Variants in RIC8B observed in about 807,000 individuals in gnomAD.
RIC8B encodes the protein RIC8 guanine nucleotide exchange factor B, also known as chaperone Ric-8B.
Under a neutral mutation model 57.5 loss-of-function variants are expected in RIC8B, and 16 were observed. That is an observed-to-expected ratio of 0.28 (90% CI 0.19 to 0.42). The LOEUF (loss-of-function observed/expected upper bound fraction) is 0.42, where lower values mean the gene tolerates loss of function less well. RIC8B is among the 10% of genes least tolerant of loss of function. RIC8B has a pLI of 1.00. For synonymous variants in RIC8B, 216 were observed against 250.8 expected (o/e 0.86, Z 1.31); for missense variants, 481 against 677.0 (o/e 0.71, Z 3.21).
intron 2 of RIC8B, among the ~76,000 whole-genome samples, chr12:106,793,929 G>T (rs1477100244): frequency 7.1e-6 from 1 of 141,118 alleles, no homozygotes; most frequent in African/African-American, 2.6e-5. Flanking sequence ...CATGGGCGGG[G>T]TGGGGGTGGG....
intron 2 of RIC8B, among the ~76,000 whole-genome samples, chr12:106,810,961 A>G (rs1157816696): frequency 2.0e-5 from 3 of 152,206 alleles, no homozygotes; most frequent in Admixed American, 2.0e-4. Context: ...CAAGATTTGC[A>G]TACAAACAAT....
chr12:106,828,821 G>A (rs528140859), intron 4 of RIC8B, among the ~76,000 whole-genome samples: 2 of 152,244 alleles, frequency 1.3e-5, no homozygotes, highest in East Asian at 3.9e-4. Context: ...TTGATACGCT[G>A]TTTAGGAACT....
intron 3 of RIC8B, among the ~76,000 whole-genome samples, chr12:106,816,870 C>T (rs2045599081): frequency 6.6e-6 from 1 of 152,098 alleles, no homozygotes; most frequent in South Asian, 2.1e-4. Context: ...AATACTCATT[C>T]TGTGTTATAG....
intron 4 of RIC8B, among the ~76,000 whole-genome samples, chr12:106,839,698 A>G (rs2046780659): frequency 6.6e-6 from 1 of 152,216 alleles, no homozygotes; most frequent in Non-Finnish European, 1.5e-5. Context: ...TGCTCTTACC[A>G]CAAAAGAAAA....
chr12:106,853,491 CAG>C (rs1348945056), intron 7 of RIC8B, among the ~76,000 whole-genome samples: 2 of 50,896 alleles, frequency 3.9e-5, no homozygotes, highest in Admixed American at 6.3e-4. Context: ...TTTTTTGAGA[CAG>C]AGTCTCACTC....
intron 3 of RIC8B, among the ~76,000 whole-genome samples, chr12:106,816,232 G>GCTAATCTTAAAGT (rs1375886007): frequency 2.0e-5 from 3 of 152,080 alleles, no homozygotes; most frequent in Admixed American, 6.5e-5. Context: ...TAAGATTTAG[G>GCTAATCTTAAAGT]CTAACATTTG....
chr12:106,871,471 T>TAAAAAAAAAAAAAAAAAA (rs1387727022), intron 9 of RIC8B: 3 of 30,916 alleles, frequency 9.7e-5, no homozygotes, highest in African/African-American at 2.7e-4. Context: ...TTAGGAGTTC[T>TAAAAAAAAAAAAAAAAAA]AAAAAAAAAA....
chr12:106,793,078 C>G (rs1205027042), intron 2 of RIC8B, among the ~76,000 whole-genome samples: 1 of 152,160 alleles, frequency 6.6e-6, no homozygotes, highest in African/African-American at 2.4e-5. Flanking sequence ...CCATTCTGCC[C>G]TTCCTCATGG....
At chr12:106,821,711 ATGACTC>A (rs760973116) in intron 3 of RIC8B, among the ~76,000 whole-genome samples, 2 of 152,314 alleles carry the variant, frequency 1.3e-5, no homozygotes, top group Admixed American at 6.5e-5. Context: ...GATATGTGCA[ATGACTC>A]TCTTCAGAAT....
chr12:106,841,850 T>A (rs943633891), intron 4 of RIC8B, among the ~76,000 whole-genome samples: 1 of 152,168 alleles, frequency 6.6e-6, no homozygotes, highest in Non-Finnish European at 1.5e-5. Flanking sequence ...TTTTGTACAC[T>A]GAACAACAGA....
rs1693974886 is a variant in RIC8B at position 106,888,985 on chromosome 12, C to CA, written c.*2971dup. ...ATGAGGCAGTACAAGTGACTCTAAA[C>CA]ACCCCCTTAGTGCCACATCAGTCTC... On this transcript the variant is annotated 3_prime_UTR_variant, in exon 10 of 10. Coordinates refer to ENST00000392837, the MANE Select transcript of RIC8B (RefSeq NM_001330145.2). The CA allele has an allele frequency of 6.6e-6, 1 of 152,134 alleles. No individual in the cohort carries two copies. Among genetic ancestry groups the CA allele is most frequent in the Non-Finnish European group, 1.5e-5 (1 of 68,030 alleles). 9.4% of individuals were successfully genotyped at this position (152,134 alleles called of 1,614,324 possible). A position where few individuals can be genotyped will look rare whatever the true frequency, so the allele number is the denominator to read the frequency against.
At chr12:106,802,961 G>A (rs2136234850) in intron 2 of RIC8B, among the ~76,000 whole-genome samples, 1 of 152,132 alleles carries the variant, frequency 6.6e-6, no homozygotes, top group East Asian at 1.9e-4. Flanking sequence ...TGCAATTCCA[G>A]CACTTTGGGA....
chr12:106,840,590 TCAAA>T (rs1398458124), intron 4 of RIC8B, among the ~76,000 whole-genome samples: 1 of 152,044 alleles, frequency 6.6e-6, no homozygotes, highest in Non-Finnish European at 1.5e-5. Context: ...AAAGAATAGC[TCAAA>T]CACAGTGAGC....
intron 9 of RIC8B, among the ~76,000 whole-genome samples, chr12:106,878,675 G>T (rs1203786016): frequency 6.6e-6 from 1 of 152,070 alleles, no homozygotes; most frequent in Non-Finnish European, 1.5e-5. Context: ...CTTAAGAAAT[G>T]GTTCCCAATT....
chr12:106,845,258 G>A (rs1462873924), intron 6 of RIC8B, among the ~76,000 whole-genome samples: 1 of 152,122 alleles, frequency 6.6e-6, no homozygotes. Context: ...ATTTTGACGA[G>A]TCTACTTTAA....
chr12:106,807,109 A>G (rs1327194509), intron 2 of RIC8B, among the ~76,000 whole-genome samples: 1 of 152,088 alleles, frequency 6.6e-6, no homozygotes, highest in Non-Finnish European at 1.5e-5. Context: ...CACCAAATCC[A>G]TTCGCTTGTC....
chr12:106,830,539 A>G (rs1344077191), intron 4 of RIC8B, among the ~76,000 whole-genome samples: 1 of 152,220 alleles, frequency 6.6e-6, no homozygotes, highest in Admixed American at 6.5e-5. Flanking sequence ...AGGATAATTT[A>G]CTTTGGAGAG....
chr12:106,875,181 A>T (rs1950605245), intron 9 of RIC8B, among the ~76,000 whole-genome samples: 1 of 151,504 alleles, frequency 6.6e-6, no homozygotes, highest in African/African-American at 2.4e-5. Context: ...ATTGGGGTCC[A>T]TAATTCCTTT....
intron 2 of RIC8B, among the ~76,000 whole-genome samples, chr12:106,808,313 A>G (rs559024866): frequency 6.6e-6 from 1 of 152,294 alleles, no homozygotes; most frequent in South Asian, 2.1e-4. Context: ...TTCAGTATCT[A>G]TGGAGGTCCT....
Sources: gnomAD v4.1 joint callset for allele counts (sites outside exome capture counted in the v4.1 genomes callset) on GRCh38, gnomAD v4.1.1 for gene constraint, MANE v1.5 for transcripts, NCBI Gene and HGNC (gene_info 2026-07-23, HGNC 2026-07-21) for gene names.